VPS13B: variants seen among roughly 807,000 people sequenced by gnomAD.
VPS13B encodes the protein vacuolar protein sorting 13 homolog B.
In VPS13B, 285 loss-of-function variants were observed where a neutral mutation model predicts 426.4. The observed-to-expected ratio is 0.67, with a 90% CI of 0.61 to 0.74. VPS13B has a LOEUF of 0.74. Ranked by LOEUF, VPS13B falls within the 30% of genes least tolerant of loss-of-function variation. VPS13B has a pLI of 0.00. For missense variants in VPS13B, 4,537 were observed against 4,782.6 expected, an observed-to-expected ratio of 0.95 and a Z score of 1.51; for synonymous variants, 1,676 against 1,676.4, an observed-to-expected ratio of 1.00 and a Z score of 0.01.
intron 17 of VPS13B, among the ~76,000 whole-genome samples, chr8:99,224,065 C>T (rs764410417): frequency 2.0e-5 from 3 of 152,104 alleles, no homozygotes; most frequent in Non-Finnish European, 4.4e-5. Flanking sequence ...AGAGCTCTCT[C>T]AGGAATACTC....
Position 99,853,836 on chromosome 8 carries a change from A to T in VPS13B, c.10447A>T (p.Thr3483Ser), listed in dbSNP as rs779264944. The change falls in exon 56 of 62, where the codon ACC becomes TCC. Residue 3483 changes from threonine (T) to serine (S), a missense_variant. Thr to Ser is a moderately conservative substitution (Grantham distance 58). Coordinates refer to ENST00000357162, the MANE Select transcript of VPS13B (RefSeq NM_152564.5). ...KEKCFIKLCI[T>S]LNEGKSILCD... Reference sequence around the variant, plus strand: ...AAAATGTTTTATCAAACTTTGCATCACCTTAAATGAAGGCAAGAGCATCCT... The same window carrying T: ...AAAATGTTTTATCAAACTTTGCATCTCCTTAAATGAAGGCAAGAGCATCCT... 2 of 1,614,252 alleles carry T rather than the reference A, an allele frequency of 1.2e-6. No individual in the cohort carries two copies. Among genetic ancestry groups the T allele is most frequent in the Non-Finnish European group, 1.7e-6 (2 of 1,180,044 alleles).
Position 99,065,131 on chromosome 8 carries a change from C to T in VPS13B, c.291+26565C>T, listed in dbSNP as rs1844413279. ...AAGCAATAAACATGGAAAGGAACAA[C>T]CGGTACCAGCCACTGCAAAAACATG... On this transcript the variant is annotated intron_variant, in intron 3 of 61. Coordinates refer to ENST00000357162, the MANE Select transcript of VPS13B (RefSeq NM_152564.5). Among the ~76,000 whole-genome samples the T allele has an allele frequency of 7.9e-5, 12 of 152,276 alleles. No homozygotes were observed. In the South Asian group the frequency reaches 2.5e-3, roughly 32 times the overall value.
At chr8:99,784,838 G>A (rs1305725813) in intron 43 of VPS13B, among the ~76,000 whole-genome samples, 2 of 152,092 alleles carry the variant, frequency 1.3e-5, no homozygotes, top group Non-Finnish European at 2.9e-5. Flanking sequence ...GGGTTATAAG[G>A]ACTAAGTGAA....
At chr8:99,783,420 G>A (rs1326581282) in intron 42 of VPS13B, among the ~76,000 whole-genome samples, 1 of 152,162 alleles carries the variant, frequency 6.6e-6, no homozygotes, top group Non-Finnish European at 1.5e-5. Flanking sequence ...CATTTATTTA[G>A]CATTCTTTTA....
chr8:99,370,729 C>A (rs540079484), intron 19 of VPS13B, among the ~76,000 whole-genome samples: 6 of 151,450 alleles, frequency 4.0e-5, no homozygotes, highest in Non-Finnish European at 8.8e-5. Flanking sequence ...CCTGCCTCAG[C>A]CTCCCAAGTA....
chr8:99,303,348 G>A (rs949925394), intron 19 of VPS13B, among the ~76,000 whole-genome samples: 2 of 151,174 alleles, frequency 1.3e-5, no homozygotes, highest in Non-Finnish European at 2.9e-5. Context: ...AACAATGGGC[G>A]CTCATGTCCT....
intron 2 of VPS13B, among the ~76,000 whole-genome samples, chr8:99,028,994 G>A (rs1339821295): frequency 2.0e-5 from 3 of 150,232 alleles, no homozygotes; most frequent in South Asian, 2.1e-4. Flanking sequence ...GGCGGCTGCC[G>A]GGCGGAGGGG....
At chr8:99,360,293 T>G (rs866136288) in intron 19 of VPS13B, among the ~76,000 whole-genome samples, 21 of 148,040 alleles carry the variant, frequency 1.4e-4, no homozygotes, top group Non-Finnish European at 1.8e-4. Context: ...TTTCTTTTTT[T>G]TTGTTATGGA....
chr8:99,422,622 A>AT (rs1202348491), intron 21 of VPS13B, among the ~76,000 whole-genome samples: 1 of 152,174 alleles, frequency 6.6e-6, no homozygotes, highest in Admixed American at 6.5e-5. Flanking sequence ...TTAGGTAACC[A>AT]TTTTCTTCTA....
chr8:99,080,942 A>T (rs75412048), intron 3 of VPS13B, among the ~76,000 whole-genome samples: 154 of 152,296 alleles, frequency 1.0e-3, no homozygotes, highest in Middle Eastern at 3.4e-3. Flanking sequence ...CCTCTGGTCT[A>T]TGGTCTAGAA....
intron 39 of VPS13B, among the ~76,000 whole-genome samples, chr8:99,738,499 T>C (rs1329895051): frequency 6.6e-6 from 1 of 152,246 alleles, no homozygotes; most frequent in African/African-American, 2.4e-5. Context: ...TTTGAACACA[T>C]TAAGAAAATT....
intron 19 of VPS13B, among the ~76,000 whole-genome samples, chr8:99,338,524 T>C (rs1306297831): frequency 6.6e-6 from 1 of 152,144 alleles, no homozygotes; most frequent in Non-Finnish European, 1.5e-5. Context: ...CTTCTAAGAA[T>C]TGACAGTTTT....
intron 2 of VPS13B, among the ~76,000 whole-genome samples, chr8:99,032,298 A>G (rs1842540764): frequency 6.6e-6 from 1 of 152,138 alleles, no homozygotes; most frequent in South Asian, 2.1e-4. Flanking sequence ...TGTGGAGGAG[A>G]TGAACATTGG....
chr8:99,063,126 C>T (rs1587983552), intron 3 of VPS13B, among the ~76,000 whole-genome samples: 1 of 152,310 alleles, frequency 6.6e-6, no homozygotes, highest in Admixed American at 6.5e-5. Context: ...GTAGGAACAG[C>T]TCCAGTCTGC....
chr8:99,445,483 G>GTA (rs1817870056), intron 23 of VPS13B, among the ~76,000 whole-genome samples: 1 of 148,374 alleles, frequency 6.7e-6, no homozygotes, highest in African/African-American at 2.5e-5. Flanking sequence ...AATTAACTAA[G>GTA]TATATATAAT....
chr8:99,628,550 C>A (rs1472962618), intron 33 of VPS13B, among the ~76,000 whole-genome samples: 1 of 152,148 alleles, frequency 6.6e-6, no homozygotes, highest in Non-Finnish European at 1.5e-5. Flanking sequence ...ACATATGTAG[C>A]AGTGGACAAG....
At chr8:99,812,310 A>G (rs1487705799) in intron 44 of VPS13B, among the ~76,000 whole-genome samples, 5 of 152,152 alleles carry the variant, frequency 3.3e-5, no homozygotes, top group African/African-American at 9.7e-5. Flanking sequence ...GATTTCCTCA[A>G]TTGGCAAGGT....
chr8:99,816,577 G>A (rs2130808017), intron 44 of VPS13B, among the ~76,000 whole-genome samples: 2 of 152,260 alleles, frequency 1.3e-5, no homozygotes, highest in East Asian at 1.9e-4. Flanking sequence ...AGGCTGGGGT[G>A]TGAAGATTAC....
chr8:99,536,476 T>C lies in VPS13B; in HGVS notation c.4745+15466T>C, dbSNP rs556466307. Among the ~76,000 whole-genome samples, 197 of 152,338 alleles carry C rather than the reference T, an allele frequency of 1.3e-3. 1 individual carries two copies. The highest frequency in any genetic ancestry group is 3.3e-3 in the South Asian group (16 of 4,834). On this transcript the variant is annotated intron_variant, in intron 30 of 61. Transcript: ENST00000357162. ...AATAACTGGCTGTAGCATGAGCTTTTGAGCCAATTTTTATCAATTTCACTT... is the reference window on the plus strand; with the variant it reads ...AATAACTGGCTGTAGCATGAGCTTTCGAGCCAATTTTTATCAATTTCACTT...
Sources: allele counts gnomAD v4.1 joint callset (sites outside exome capture counted in the v4.1 genomes callset), GRCh38; gene constraint gnomAD v4.1.1; transcripts MANE v1.5; gene names NCBI Gene and HGNC (gene_info 2026-07-23, HGNC 2026-07-21).